The following AGBL4 variants were observed in gnomAD, a reference collection of about 807,000 sequenced individuals.
AGBL4 encodes the protein cytosolic carboxypeptidase 6.
Under a neutral mutation model 66.4 loss-of-function variants are expected in AGBL4, and 58 were observed. The ratio of observed to expected loss-of-function variants is 0.87; its 90% CI spans 0.71 to 1.09. The LOEUF (loss-of-function observed/expected upper bound fraction) is 1.09, where lower values mean the gene tolerates loss of function less well. Among genes scored for constraint, AGBL4 ranks in the 50% least tolerant of loss-of-function variants. The pLI, the probability that AGBL4 is intolerant of heterozygous loss-of-function variation, is 0.00. For missense variants in AGBL4, 579 were observed against 631.0 expected, an observed-to-expected ratio of 0.92 and a Z score of 0.88; for synonymous variants, 234 against 222.9, an observed-to-expected ratio of 1.05 and a Z score of -0.44.
intron 3 of AGBL4, among the ~76,000 whole-genome samples, chr1:49,281,418 C>A (rs939500301): frequency 1.3e-5 from 2 of 152,148 alleles, no homozygotes; most frequent in Non-Finnish European, 2.9e-5. Context: ...CATGTGCACA[C>A]ACCAGGACTT....
intron 9 of AGBL4, among the ~76,000 whole-genome samples, chr1:48,624,893 T>G (rs1645474347): frequency 9.0e-6 from 1 of 111,520 alleles, no homozygotes; most frequent in Admixed American, 8.0e-5. Flanking sequence ...ATTCCAGGTG[T>G]GTGTGTGTGT....
intron 5 of AGBL4, among the ~76,000 whole-genome samples, chr1:48,950,920 G>A (rs1190465350): frequency 1.3e-5 from 2 of 152,014 alleles, no homozygotes. Flanking sequence ...TTATGTCTTG[G>A]TACTTATAGC....
intron 2 of AGBL4, among the ~76,000 whole-genome samples, chr1:49,789,710 G>A (rs1015787904): frequency 3.3e-5 from 5 of 152,124 alleles, no homozygotes; most frequent in Non-Finnish European, 4.4e-5. Context: ...AACATTCCAC[G>A]CTCATGGATA....
chr1:49,089,059 G>T (rs1053746288), intron 4 of AGBL4, among the ~76,000 whole-genome samples: 2 of 151,678 alleles, frequency 1.3e-5, no homozygotes, highest in Non-Finnish European at 2.9e-5. Flanking sequence ...ACTAATGAGT[G>T]CTAAGACACA....
chr1:49,267,401 C>T (rs765912781), intron 3 of AGBL4, among the ~76,000 whole-genome samples: 1 of 152,128 alleles, frequency 6.6e-6, no homozygotes, highest in Non-Finnish European at 1.5e-5. Flanking sequence ...ATACCCAAGG[C>T]GAGGCACGGT....
chr1:48,523,821 C>T, the AGBL4 span, among the ~76,000 whole-genome samples: 2 of 152,142 alleles, frequency 1.3e-5, no homozygotes, highest in Non-Finnish European at 2.9e-5. Flanking sequence ...AATGTACTTA[C>T]ACAAATCTAG....
chr1:48,742,947 G>A (rs984857669), intron 6 of AGBL4, among the ~76,000 whole-genome samples: 4 of 152,116 alleles, frequency 2.6e-5, no homozygotes, highest in Non-Finnish European at 5.9e-5. Flanking sequence ...ATGTCACAAG[G>A]GAAAAGGTGG....
intron 2 of AGBL4, among the ~76,000 whole-genome samples, chr1:49,816,847 T>C (rs1264048124): frequency 6.6e-6 from 1 of 152,098 alleles, no homozygotes; most frequent in Non-Finnish European, 1.5e-5. Flanking sequence ...CAGACTGGGA[T>C]AGAAGTCAAA....
chr1:49,388,465 C>A (rs1384243222), intron 3 of AGBL4, among the ~76,000 whole-genome samples: 5 of 152,098 alleles, frequency 3.3e-5, no homozygotes, highest in Non-Finnish European at 7.4e-5. Context: ...TTCTCAGCAA[C>A]CTAGAGGAAG....
intron 3 of AGBL4, among the ~76,000 whole-genome samples, chr1:49,522,497 A>G (rs1055805066): frequency 6.6e-6 from 1 of 152,108 alleles, no homozygotes; most frequent in Non-Finnish European, 1.5e-5. Context: ...CTGCCCTATT[A>G]GACTATAAGA....
intron 3 of AGBL4, among the ~76,000 whole-genome samples, chr1:49,593,300 A>G (rs1012376272): frequency 6.6e-6 from 1 of 152,042 alleles, no homozygotes; most frequent in East Asian, 1.9e-4. Context: ...TCAGCTACTC[A>G]GGAGGCTGAG....
chr1:49,329,150 T>C (rs1482654524), intron 3 of AGBL4, among the ~76,000 whole-genome samples: 1 of 150,618 alleles, frequency 6.6e-6, no homozygotes, highest in East Asian at 2.0e-4. Flanking sequence ...CTACTAAATA[T>C]ACAAAAATTA....
chr1:49,714,433 C>T (rs1050583928), intron 2 of AGBL4, among the ~76,000 whole-genome samples: 8 of 151,752 alleles, frequency 5.3e-5, no homozygotes, highest in Non-Finnish European at 1.0e-4. Context: ...TTATTTAGCT[C>T]CTACTTATAA....
At chr1:49,636,089 G>A (rs572354649) in intron 3 of AGBL4, among the ~76,000 whole-genome samples, 10 of 152,132 alleles carry the variant, frequency 6.6e-5, no homozygotes, top group African/African-American at 2.2e-4. Context: ...TATCATACAC[G>A]AAAATTAATT....
At chr1:49,321,323 T>C (rs1645129240) in intron 3 of AGBL4, among the ~76,000 whole-genome samples, 2 of 152,306 alleles carry the variant, frequency 1.3e-5, no homozygotes, top group South Asian at 4.1e-4. Flanking sequence ...TAAAAATATA[T>C]ATAAATCAAG....
At chr1:49,179,863 C>G (rs978691637) in intron 4 of AGBL4, among the ~76,000 whole-genome samples, 2 of 152,054 alleles carry the variant, frequency 1.3e-5, no homozygotes, top group Non-Finnish European at 2.9e-5. Flanking sequence ...TGCTGTATGA[C>G]CTTCTTTGGA....
At chr1:48,818,327 G>T in intron 6 of AGBL4, 1 of 711,698 alleles carries the variant, frequency 1.4e-6, no homozygotes, top group Non-Finnish European at 2.6e-6. Flanking sequence ...TTGAAAAGGG[G>T]CATATTGCCT....
chr1:49,550,213 G>T (rs550735343), intron 3 of AGBL4, among the ~76,000 whole-genome samples: 10 of 152,102 alleles, frequency 6.6e-5, no homozygotes, highest in Non-Finnish European at 1.3e-4. Flanking sequence ...ATAGTTGATT[G>T]GTGAGTTCTT....
intron 2 of AGBL4, among the ~76,000 whole-genome samples, chr1:49,833,263 T>C (rs575822670): frequency 1.8e-4 from 27 of 152,234 alleles, no homozygotes; most frequent in African/African-American, 5.1e-4. Context: ...CCTTTCCCCA[T>C]TGCTTGTTTT....
Sources: gnomAD v4.1 joint callset for allele counts (sites outside exome capture counted in the v4.1 genomes callset) on GRCh38, gnomAD v4.1.1 for gene constraint, MANE v1.5 for transcripts, NCBI Gene and HGNC (gene_info 2026-07-23, HGNC 2026-07-21) for gene names.